Variants in SEC24A observed in about 807,000 individuals in gnomAD.
SEC24A encodes the protein protein transport protein Sec24A.
Under a neutral mutation model 129.4 loss-of-function variants are expected in SEC24A, and 93 were observed. The ratio of observed to expected loss-of-function variants is 0.72; its 90% CI spans 0.61 to 0.85. The LOEUF (loss-of-function observed/expected upper bound fraction) is 0.85, where lower values mean the gene tolerates loss of function less well. Ranked by LOEUF, SEC24A falls within the 40% of genes least tolerant of loss-of-function variation. SEC24A has a pLI of 0.00. For synonymous variants in SEC24A, 460 were observed against 467.3 expected (o/e 0.98, Z 0.20); for missense variants, 1,264 against 1,307.4 (o/e 0.97, Z 0.51).
chr5:134,710,656 G>A lies in SEC24A; in HGVS notation c.2727+1768G>A, dbSNP rs567967725. On this transcript the variant is annotated intron_variant, in intron 18 of 22. Coordinates refer to ENST00000398844, the MANE Select transcript of SEC24A (RefSeq NM_021982.3). ...TGTTTGTAGGGTTTTTCTTTGTTTCGTTTTGTTTGTAGGGTTTTTCATTTG... is the reference window on the plus strand; with the variant it reads ...TGTTTGTAGGGTTTTTCTTTGTTTCATTTTGTTTGTAGGGTTTTTCATTTG... 8.6e-5 allele frequency among the ~76,000 whole-genome samples: 13 copies of A among 152,042 alleles called. No individual in the cohort carries two copies. In the East Asian group the frequency reaches 1.2e-3, roughly 14 times the overall value.
At chr5:134,711,549 GGA>G (rs1482181558) in intron 18 of SEC24A, among the ~76,000 whole-genome samples, 1 of 143,368 alleles carries the variant, frequency 7.0e-6, no homozygotes, top group East Asian at 2.1e-4. Context: ...GAAAAATAAA[GGA>G]CTGCTCTGCA....
Position 134,693,734 on chromosome 5 carries a change from A to C in SEC24A, c.1787A>C (p.Gln596Pro), listed in dbSNP as rs1483681442. 1 of 1,613,504 alleles carries C rather than the reference A, an allele frequency of 6.2e-7. No individual in the cohort carries two copies. The highest frequency in any genetic ancestry group is 1.7e-5 in the Admixed American group (1 of 59,876). Reference protein sequence around the residue: ...VNLNESKELVQDLLKTLPQMF... With the variant: ...VNLNESKELVPDLLKTLPQMF... The stretch of plus-strand genomic sequence containing the variant: ...CTTGCTTTGTTTTACAAGCTCGTGC[A>C]AGATTTACTGAAAACTTTGCCACAA... The change falls in exon 13 of 23, where the codon CAA becomes CCA. Residue 596 changes from glutamine to proline, a missense_variant. Coordinates refer to ENST00000398844, the MANE Select transcript of SEC24A (RefSeq NM_021982.3).
At chr5:134,649,213 C>A in intron 1 of SEC24A, 40 bp downstream of exon 1, 1 of 1,428,878 alleles carries the variant, frequency 7.0e-7, no homozygotes, top group Non-Finnish European at 9.7e-7. Context: ...CTGGCCAGGG[C>A]TGACTGACCT....
Position 134,723,596 on chromosome 5 carries a change from A to G in SEC24A, c.3093A>G (p.Glu1031=). ...ACCTTCCAGAACTTGATACACCAGA[A>G]TCTGCCAGAATAATAGCTTTCATCT... ...MTDLPELDTP[E]SARIIAFISW... Residue 1031 remains glutamate, a synonymous_variant, in exon 22 of 23, where the codon GAA becomes GAG. Coordinates refer to ENST00000398844, the MANE Select transcript of SEC24A (RefSeq NM_021982.3). The G allele has an allele frequency of 6.2e-7, 1 of 1,613,272 alleles. No homozygotes were observed. The highest frequency in any genetic ancestry group is 8.5e-7 in the Non-Finnish European group (1 of 1,179,290).
intron 10 of SEC24A, among the ~76,000 whole-genome samples, chr5:134,687,811 A>G (rs1261811012): frequency 6.6e-6 from 1 of 152,098 alleles, no homozygotes. Flanking sequence ...TAAATATTAG[A>G]GTTTCTGTAT....
chr5:134,672,256 C>T (rs544791056), intron 4 of SEC24A, among the ~76,000 whole-genome samples: 11 of 152,122 alleles, frequency 7.2e-5, no homozygotes, highest in East Asian at 1.9e-4. Context: ...GGCAGTATCT[C>T]GGTTCACTGC....
intron 1 of SEC24A, among the ~76,000 whole-genome samples, chr5:134,657,052 G>A (rs1391661390): frequency 2.0e-5 from 3 of 151,798 alleles, no homozygotes; most frequent in Admixed American, 6.6e-5. Context: ...CAGGCATAAT[G>A]GTGCACGCCT....
intron 11 of SEC24A, 129 bp from the exon 12 acceptor site, chr5:134,692,473 A>G: frequency 1.7e-6 from 1 of 581,694 alleles, no homozygotes; most frequent in Non-Finnish European, 3.1e-6. Flanking sequence ...ACATGTAAAC[A>G]GTGCTATAAT....
rs182652328 is a variant in SEC24A at position 134,700,811 on chromosome 5, T to C, written c.2266+2754T>C. Among the ~76,000 whole-genome samples the C allele has an allele frequency of 7.7e-3, 1,170 of 152,044 alleles. 17 individuals are homozygous for C. Among genetic ancestry groups the C allele is most frequent in the African/African-American group, 0.027 (1,107 of 41,504 alleles). The stretch of plus-strand genomic sequence containing the variant: ...TCCGCTCACTGCAAGCTCCGCCTCC[T>C]GGGTTCACGCCATTCTCCTGCCTCA... On this transcript the variant is annotated intron_variant, in intron 15 of 22. Coordinates refer to ENST00000398844, the MANE Select transcript of SEC24A (RefSeq NM_021982.3).
At position 134,666,904 on chromosome 5, in the gene SEC24A, G is replaced by C; in HGVS notation, c.647G>C (p.Gly216Ala). 1.2e-6 allele frequency: 2 copies of C among 1,613,582 alleles called. No homozygotes were observed. Among genetic ancestry groups the C allele is most frequent in the Admixed American group, 3.3e-5 (2 of 59,982 alleles). ...GCTCCTCATGGGCCCCCTCCAGCTG[G>C]AGGCCCACCCCCAGTGAGGGCCCTC... ...PGAPHGPPPA[G>A]GPPPVRALTP... Residue 216 changes from glycine (G) to alanine (A), a missense_variant, in exon 3 of 23, where the codon GGA becomes GCA. By Grantham distance (60) the Gly-to-Ala change is moderately conservative. Coordinates refer to ENST00000398844, the MANE Select transcript of SEC24A (RefSeq NM_021982.3).
In SEC24A at chr5:134,671,826, A is replaced by G. The variant is rs1750873495; in HGVS notation, c.757A>G (p.Asn253Asp). ...VNQEGITSNT[N>D]NGSMVVHSSY... ...CTTCTTAGGTATTACATCAAATACC[A>G]ATAACGGATCTATGGTGGTCCACAG... The change falls in exon 4 of 23, where the codon AAT becomes GAT. Residue 253 changes from asparagine to aspartate, a missense_variant. Asn to Asp is a conservative substitution (Grantham distance 23). Coordinates refer to ENST00000398844, the MANE Select transcript of SEC24A (RefSeq NM_021982.3). 3 of 1,602,972 alleles carry G rather than the reference A, an allele frequency of 1.9e-6. No individual in the cohort carries two copies. Among genetic ancestry groups the G allele is most frequent in the Non-Finnish European group, 2.6e-6 (3 of 1,174,624 alleles).
intron 12 of SEC24A, chr5:134,693,176 T>G: frequency 6.5e-7 from 1 of 1,533,796 alleles, no homozygotes; most frequent in African/African-American, 1.4e-5. Flanking sequence ...GGGTAACATT[T>G]TAACTAGCAA....
At chr5:134,697,374 T>G in intron 14 of SEC24A, 128 bp downstream of exon 14, 1 of 738,434 alleles carries the variant, frequency 1.4e-6, no homozygotes, top group East Asian at 2.5e-5. Flanking sequence ...ATCAGTCAGT[T>G]TAGTCTATTA....
At chr5:134,708,996 A>G (rs1752245112) in intron 18 of SEC24A, 108 bp downstream of exon 18, 2 of 1,031,520 alleles carry the variant, frequency 1.9e-6, no homozygotes, top group Non-Finnish European at 2.9e-6. Flanking sequence ...GCTTGAGTCC[A>G]GGCATTTGAG....
chr5:134,674,563 A>T, intron 4 of SEC24A, 52 bp from the exon 5 acceptor site: 1 of 1,512,860 alleles, frequency 6.6e-7, no homozygotes, highest in African/African-American at 1.4e-5. Flanking sequence ...AAAATAAATA[A>T]ATCAAGTATT....
chr5:134,689,804 C>T (rs1455607006), intron 11 of SEC24A, among the ~76,000 whole-genome samples: 1 of 151,298 alleles, frequency 6.6e-6, no homozygotes, highest in Non-Finnish European at 1.5e-5. Flanking sequence ...ATTTATTATT[C>T]AGCCTTAAAA....
At chr5:134,678,764 T>C (rs949370718) in intron 7 of SEC24A, among the ~76,000 whole-genome samples, 4 of 152,178 alleles carry the variant, frequency 2.6e-5, no homozygotes, top group African/African-American at 9.7e-5. Flanking sequence ...GTATTTTTAG[T>C]ATAGACGAGG....
chr5:134,653,656 A>G (rs746305910), intron 1 of SEC24A, among the ~76,000 whole-genome samples: 5 of 150,462 alleles, frequency 3.3e-5, no homozygotes, highest in Non-Finnish European at 5.9e-5. Flanking sequence ...TTTTAGCCCA[A>G]GAATTCAAGA....
intron 18 of SEC24A, among the ~76,000 whole-genome samples, chr5:134,712,129 G>A (rs976176457): frequency 3.9e-5 from 6 of 152,016 alleles, no homozygotes; most frequent in African/African-American, 1.2e-4. Context: ...ACCACACCAG[G>A]CCTTCATCTT....
Sources: gnomAD v4.1 joint callset for allele counts (sites outside exome capture counted in the v4.1 genomes callset) on GRCh38, gnomAD v4.1.1 for gene constraint, MANE v1.5 for transcripts, NCBI Gene and HGNC (gene_info 2026-07-23, HGNC 2026-07-21) for gene names.